The following ADAMTS2 variants were observed in gnomAD, a reference collection of about 807,000 sequenced individuals.
The protein encoded by ADAMTS2 is ADAM metallopeptidase with thrombospondin type 1 motif 2.
ADAMTS2 carries 50 observed loss-of-function variants against 123.0 expected under a neutral mutation model. That is an observed-to-expected ratio of 0.41 (90% CI 0.32 to 0.51). The LOEUF is 0.51. ADAMTS2 is among the 20% of genes least tolerant of loss of function. The probability of loss-of-function intolerance (pLI) is 0.35; values close to 1 mark genes in which losing one functional copy is unlikely to be tolerated. For missense variants in ADAMTS2, 1,494 were observed against 1,705.2 expected (o/e 0.88, Z 2.18); for synonymous variants, 678 against 695.4 (o/e 0.98, Z 0.39).
chr5:179,343,857 CA>C lies in ADAMTS2; in HGVS notation c.443del (p.Val148GlyfsTer17). On this transcript the variant is annotated frameshift_variant, in exon 2 of 22. Transcript: ENST00000251582. LOFTEE classifies it high-confidence loss of function. The part of the protein sequence containing the change: ...EWQGEKGTTR[V>X]EPLLGSCLYV... Reference sequence around the variant, plus strand: ...AGAGACAGCTCCCGAGCAGGGGCTCCACGCGGGTGGTGCCCTTCTCGCCCTG... The same window carrying C: ...AGAGACAGCTCCCGAGCAGGGGCTCCCGCGGGTGGTGCCCTTCTCGCCCTG... The C allele has an allele frequency of 1.9e-6, 3 of 1,598,678 alleles. No individual in the cohort carries two copies. Among genetic ancestry groups the C allele is most frequent in the Non-Finnish European group, 2.6e-6 (3 of 1,174,402 alleles).
intron 3 of ADAMTS2, among the ~76,000 whole-genome samples, chr5:179,267,050 C>T (rs1766391060): frequency 6.6e-6 from 1 of 152,168 alleles, no homozygotes; most frequent in Non-Finnish European, 1.5e-5. Flanking sequence ...GAGGCTGCCC[C>T]ACAGCTCTCT....
intron 2 of ADAMTS2, among the ~76,000 whole-genome samples, chr5:179,286,968 T>C (rs1756038884): frequency 1.3e-5 from 2 of 152,166 alleles, no homozygotes; most frequent in South Asian, 4.1e-4. Flanking sequence ...ATTATCTCTT[T>C]AAAGACCCTG....
chr5:179,244,918 TACA>T (rs905690146), intron 3 of ADAMTS2, among the ~76,000 whole-genome samples: 3 of 152,204 alleles, frequency 2.0e-5, no homozygotes, highest in Non-Finnish European at 4.4e-5. Flanking sequence ...AAGCAATAAT[TACA>T]ACAATTGTTA....
chr5:179,184,750 C>G (rs1005726258), intron 4 of ADAMTS2, among the ~76,000 whole-genome samples: 2 of 152,082 alleles, frequency 1.3e-5, no homozygotes, highest in Non-Finnish European at 2.9e-5. Flanking sequence ...CCCCACTGGG[C>G]TGAGGCTGGC....
rs957908942 is a variant in ADAMTS2 at position 179,314,912 on chromosome 5, A to C, written c.534+28855T>G. ...AGCCTCAAGCCCAGGGCCTACCTAG[A>C]AGTAACTCTCTTTCCTGACATTAAG... is the stretch of plus-strand genomic sequence containing the variant. On this transcript the variant is annotated intron_variant, in intron 2 of 21. Transcript: ENST00000251582. The surrounding 1 kb of genome is among the most constrained non-coding windows in gnomAD (Gnocchi z 4.5). Among the ~76,000 whole-genome samples, 30 of 151,948 alleles carry C rather than the reference A, an allele frequency of 2.0e-4. No individual in the cohort carries two copies. The highest frequency in any genetic ancestry group is 6.6e-4 in the Admixed American group (10 of 15,264).
At position 179,242,548 on chromosome 5, in the gene ADAMTS2, C is replaced by G. The variant is rs1166444449; in HGVS notation, c.688+30363G>C. ...ACAATTTAAAGTCTCTAGAAATTAT[C>G]CTAAGAGCACACAACAAACTAAGCA... is the stretch of plus-strand genomic sequence containing the variant. On this transcript the variant is annotated intron_variant, in intron 3 of 21. Transcript: ENST00000251582. This position sits in a 1 kb window ranked among gnomAD's most constrained non-coding sequence, Gnocchi z 4.2. Among the ~76,000 whole-genome samples the G allele has an allele frequency of 6.6e-6, 1 of 152,152 alleles. No individual in the cohort carries two copies. The highest frequency in any genetic ancestry group is 1.5e-5 in the Non-Finnish European group (1 of 68,034).
rs539385181 is a variant in ADAMTS2, at chr5:179,139,060, A to G, written c.1775+830T>C. ...AAATCTTTAAAATACCAGACAGGCC[A>G]AAAAGGAAAGACCGAAGCTCTGTGT... On this transcript the variant is annotated intron_variant, in intron 11 of 21. Transcript: ENST00000251582. 2.6e-5 allele frequency among the ~76,000 whole-genome samples: 4 copies of G among 152,346 alleles called. No individual in the cohort carries two copies. In the East Asian group the frequency reaches 7.7e-4, roughly 29 times the overall value.
Position 179,210,266 on chromosome 5 carries a change from T to C in ADAMTS2, c.689-2551A>G, listed in dbSNP as rs190435094. On this transcript the variant is annotated intron_variant, in intron 3 of 21. Transcript: ENST00000251582. ...CCTGGCCCTAACCCCAGAGTCCCCA[T>C]GCAGGGACCCCTCCAGACATTCCCC... Among the ~76,000 whole-genome samples, 35 of 152,302 alleles carry C rather than the reference T, an allele frequency of 2.3e-4. 1 individual carries two copies. Among genetic ancestry groups the C allele is most frequent in the African/African-American group, 8.4e-4 (35 of 41,570 alleles).
rs968473203 is a variant in ADAMTS2 at position 179,312,709 on chromosome 5, G to C, written c.534+31058C>G. Among the ~76,000 whole-genome samples the C allele has an allele frequency of 6.6e-6, 1 of 152,220 alleles. No homozygotes were observed. Among genetic ancestry groups the C allele is most frequent in the African/African-American group, 2.4e-5 (1 of 41,458 alleles). ...TGGAGGATGTCGGCCCTGAAGCCCA[G>C]AGCGAAGAGGCCACAAGCCAAGCAC... On this transcript the variant is annotated intron_variant, in intron 2 of 21. Transcript: ENST00000251582. This position sits in a 1 kb window ranked among gnomAD's most constrained non-coding sequence, Gnocchi z 4.2.
intron 2 of ADAMTS2, among the ~76,000 whole-genome samples, chr5:179,302,690 C>T (rs1409216446): frequency 4.0e-5 from 6 of 151,778 alleles, no homozygotes; most frequent in African/African-American, 1.2e-4. Context: ...CAGAGAGTGA[C>T]GCAGCCGTGA....
At chr5:179,196,642 G>A (rs995906079) in intron 4 of ADAMTS2, among the ~76,000 whole-genome samples, 7 of 152,202 alleles carry the variant, frequency 4.6e-5, no homozygotes, top group Admixed American at 1.3e-4. Flanking sequence ...TCCCTAATAC[G>A]TACACCCACG....
At chr5:179,240,216 C>T (rs1005954806) in intron 3 of ADAMTS2, among the ~76,000 whole-genome samples, 3 of 152,166 alleles carry the variant, frequency 2.0e-5, no homozygotes, top group African/African-American at 7.2e-5. Context: ...TGGCTGCTAG[C>T]GGCACCTTGC....
At chr5:179,333,906 C>T (rs1207182725) in intron 2 of ADAMTS2, among the ~76,000 whole-genome samples, 2 of 152,142 alleles carry the variant, frequency 1.3e-5, no homozygotes, top group African/African-American at 4.8e-5. Context: ...CAGATTTCTT[C>T]TAAGGAGGGA....
intron 2 of ADAMTS2, among the ~76,000 whole-genome samples, chr5:179,289,371 G>A (rs1756122059): frequency 6.6e-6 from 1 of 152,188 alleles, no homozygotes; most frequent in South Asian, 2.1e-4. Context: ...GGGAGGGGAA[G>A]GGCAGCTCTT....
At chr5:179,321,836 G>C (rs1581274270) in intron 2 of ADAMTS2, among the ~76,000 whole-genome samples, 1 of 152,130 alleles carries the variant, frequency 6.6e-6, no homozygotes, top group Non-Finnish European at 1.5e-5. Context: ...GCTGGGGAGT[G>C]CTTTTCCTCA....
chr5:179,133,452 G>T (rs1196330824), intron 13 of ADAMTS2, among the ~76,000 whole-genome samples: 2 of 151,452 alleles, frequency 1.3e-5, no homozygotes, highest in African/African-American at 4.9e-5. Flanking sequence ...TGTATTTTTA[G>T]TACAACGGGG....
At chr5:179,339,237 C>A (rs1255816104) in intron 2 of ADAMTS2, among the ~76,000 whole-genome samples, 1 of 152,240 alleles carries the variant, frequency 6.6e-6, no homozygotes, top group East Asian at 1.9e-4. Flanking sequence ...GATGGGCCTC[C>A]AATCCCTCCC....
At chr5:179,167,690 G>A (rs1023312389) in intron 5 of ADAMTS2, among the ~76,000 whole-genome samples, 5 of 152,216 alleles carry the variant, frequency 3.3e-5, no homozygotes, top group Non-Finnish European at 5.9e-5. Context: ...GGCAGGTGAG[G>A]TCACCTGGGC....
At position 179,207,660 on chromosome 5, in the gene ADAMTS2, C is replaced by T. The variant is rs201547155; in HGVS notation, c.744G>A (p.Glu248=). Residue 248 remains glutamate, a synonymous_variant, in exon 4 of 22, where the codon GAG becomes GAA. Transcript: ENST00000251582. ...CCCTCCGCCTCGAGCTGTTGGCGTG[C>T]TCCTCTAGGACGCCCAGGGCGCGGC... ...SLSRALGVLE[E]HANSSRRRAR... 7 of 1,613,632 alleles carry T rather than the reference C, an allele frequency of 4.3e-6. No homozygotes were observed. The highest frequency in any genetic ancestry group is 5.1e-6 in the Non-Finnish European group (6 of 1,180,018).
Sources: allele counts gnomAD v4.1 joint callset (sites outside exome capture counted in the v4.1 genomes callset), GRCh38; gene constraint gnomAD v4.1.1; non-coding constraint Gnocchi (gnomAD v3.1); transcripts MANE v1.5; gene names NCBI Gene and HGNC (gene_info 2026-07-23, HGNC 2026-07-21).